Variants in KCNT2 observed in about 807,000 individuals in gnomAD.
KCNT2 encodes potassium channel subfamily T member 2.
In KCNT2, 67 loss-of-function variants were observed where a neutral mutation model predicts 153.8. That is an observed-to-expected ratio of 0.44 (90% CI 0.36 to 0.53). The LOEUF (loss-of-function observed/expected upper bound fraction) is 0.53. KCNT2 is among the 20% of genes least tolerant of loss of function. The pLI is 0.00. For synonymous variants in KCNT2, 500 were observed against 458.8 expected (o/e 1.09, Z -1.15); for missense variants, 975 against 1,354.8 (o/e 0.72, Z 4.40).
chr1:196,310,619 C>T (rs780180572), intron 21 of KCNT2, among the ~76,000 whole-genome samples: 11 of 151,796 alleles, frequency 7.2e-5, no homozygotes, highest in Non-Finnish European at 1.2e-4. Context: ...TTGTTTCCTT[C>T]GTAAGATTAT....
chr1:196,519,476 A>T lies in KCNT2; in HGVS notation c.96-27135T>A, dbSNP rs1653053905. Among the ~76,000 whole-genome samples, 3 of 152,234 alleles carry T rather than the reference A, an allele frequency of 2.0e-5. No homozygotes were observed. In the South Asian group the frequency reaches 6.2e-4, roughly 32 times the overall value. On this transcript the variant is annotated intron_variant, in intron 1 of 27. Transcript: ENST00000294725. ...TGAACTGAAAGAGATTGAGACAAGA[A>T]AAACAAATAAAAAAATCACTGAATC...
chr1:196,542,121 A>G (rs1166504476), intron 1 of KCNT2, among the ~76,000 whole-genome samples: 1 of 152,132 alleles, frequency 6.6e-6, no homozygotes, highest in Non-Finnish European at 1.5e-5. Flanking sequence ...AACAATATTT[A>G]TCATTTAAAA....
intron 15 of KCNT2, 123 bp from the exon 16 acceptor site, chr1:196,340,693 C>T: frequency 4.8e-6 from 3 of 625,734 alleles, no homozygotes; most frequent in East Asian, 2.8e-5. Context: ...TCAAGATCCT[C>T]ATTTTTACAG....
intron 13 of KCNT2, among the ~76,000 whole-genome samples, chr1:196,393,148 T>C (rs747303922): frequency 1.3e-5 from 2 of 151,330 alleles, no homozygotes; most frequent in Non-Finnish European, 3.0e-5. Context: ...GCATGGAAAG[T>C]AGATAATTCA....
chr1:196,486,119 T>C (rs969756418), intron 3 of KCNT2, among the ~76,000 whole-genome samples: 2 of 151,978 alleles, frequency 1.3e-5, no homozygotes, highest in African/African-American at 4.8e-5. Flanking sequence ...CTTTAGGTCA[T>C]ACCAGTATGT....
intron 1 of KCNT2, among the ~76,000 whole-genome samples, chr1:196,604,233 A>T (rs199542286): frequency 6.6e-6 from 1 of 152,224 alleles, no homozygotes. Context: ...ATCATAACAT[A>T]AACAATACTG....
intron 1 of KCNT2, among the ~76,000 whole-genome samples, chr1:196,566,004 A>C (rs887524167): frequency 3.9e-5 from 6 of 151,958 alleles, no homozygotes; most frequent in African/African-American, 1.4e-4. Flanking sequence ...CTGAGATGAG[A>C]TTATATATGC....
At position 196,274,946 on chromosome 1, in the gene KCNT2, T is replaced by G. The variant is rs574369850; in HGVS notation, c.2910+5914A>C. 1.4e-3 allele frequency among the ~76,000 whole-genome samples: 207 copies of G among 151,990 alleles called. 1 individual carries two copies. The highest frequency in any genetic ancestry group is 4.6e-3 in the African/African-American group (192 of 41,534). On this transcript the variant is annotated intron_variant, in intron 25 of 27. Coordinates refer to ENST00000294725, the MANE Select transcript of KCNT2 (RefSeq NM_198503.5). ...TGTTCAGATTTTGGAAAATTAATACTATGTTATATGCTATATAGTAGCTAA... is the reference window on the plus strand; with the variant it reads ...TGTTCAGATTTTGGAAAATTAATACGATGTTATATGCTATATAGTAGCTAA...
At chr1:196,497,214 A>G (rs1680325662) in intron 1 of KCNT2, among the ~76,000 whole-genome samples, 1 of 152,190 alleles carries the variant, frequency 6.6e-6, no homozygotes, top group South Asian at 2.1e-4. Flanking sequence ...GGAAGAACAA[A>G]AAACAACATC....
intron 8 of KCNT2, among the ~76,000 whole-genome samples, chr1:196,443,377 G>A (rs937813892): frequency 6.6e-6 from 1 of 151,458 alleles, no homozygotes; most frequent in African/African-American, 2.4e-5. Flanking sequence ...AAAAGCTGAG[G>A]CCTCAGCTTG....
At chr1:196,588,337 A>G (rs1271458117) in intron 1 of KCNT2, among the ~76,000 whole-genome samples, 1 of 151,990 alleles carries the variant, frequency 6.6e-6, no homozygotes, top group African/African-American at 2.4e-5. Context: ...GGTGCAGTAC[A>G]CAACAAATGT....
chr1:196,446,364 A>G (rs1018146560), intron 8 of KCNT2, among the ~76,000 whole-genome samples: 4 of 151,470 alleles, frequency 2.6e-5, no homozygotes, highest in East Asian at 1.9e-4. Flanking sequence ...GCAATTATCA[A>G]TGTCATAGAA....
At chr1:196,360,389 A>C (rs1175981958) in intron 14 of KCNT2, among the ~76,000 whole-genome samples, 1 of 152,008 alleles carries the variant, frequency 6.6e-6, no homozygotes, top group Non-Finnish European at 1.5e-5. Context: ...CTTCTGTGGA[A>C]ATGGCAGAAT....
At chr1:196,236,857 C>T (rs1383155453) in intron 26 of KCNT2, among the ~76,000 whole-genome samples, 1 of 151,412 alleles carries the variant, frequency 6.6e-6, no homozygotes, top group African/African-American at 2.4e-5. Flanking sequence ...TTTTAGATTT[C>T]AAGATTATCA....
intron 1 of KCNT2, among the ~76,000 whole-genome samples, chr1:196,555,810 A>G (rs1222831493): frequency 2.6e-5 from 4 of 151,358 alleles, no homozygotes; most frequent in African/African-American, 7.3e-5. Context: ...AGACACACAG[A>G]CCAATGGAAA....
intron 26 of KCNT2, among the ~76,000 whole-genome samples, chr1:196,253,438 T>C (rs1310117550): frequency 6.6e-6 from 1 of 151,678 alleles, no homozygotes; most frequent in East Asian, 1.9e-4. Flanking sequence ...TATCATGTTC[T>C]TGTTTTCCTC....
At chr1:196,241,859 G>A (rs1443717429) in intron 26 of KCNT2, among the ~76,000 whole-genome samples, 1 of 151,796 alleles carries the variant, frequency 6.6e-6, no homozygotes, top group African/African-American at 2.4e-5. Flanking sequence ...GTGTTTAAAA[G>A]AAAACACAGA....
chr1:196,265,408 G>A (rs559344273), intron 25 of KCNT2, among the ~76,000 whole-genome samples: 92 of 152,238 alleles, frequency 6.0e-4, no homozygotes, highest in Admixed American at 2.7e-3. Context: ...ATTTAGGAAC[G>A]GGAGTTTGGT....
At chr1:196,529,941 C>T (rs1236580572) in intron 1 of KCNT2, among the ~76,000 whole-genome samples, 1 of 152,018 alleles carries the variant, frequency 6.6e-6, no homozygotes, top group Non-Finnish European at 1.5e-5. Flanking sequence ...ACATCCATTT[C>T]CCATGAAATG....
Sources: gnomAD v4.1 joint callset for allele counts (sites outside exome capture counted in the v4.1 genomes callset) on GRCh38, gnomAD v4.1.1 for gene constraint, MANE v1.5 for transcripts, NCBI Gene and HGNC (gene_info 2026-07-23, HGNC 2026-07-21) for gene names.